Variants in TBCK observed in about 807,000 individuals in gnomAD.
TBCK encodes the protein TBC domain-containing protein kinase-like protein.
In TBCK, 99 loss-of-function variants were observed where a neutral mutation model predicts 113.4. The ratio of observed to expected loss-of-function variants is 0.87; its 90% confidence interval spans 0.74 to 1.03. TBCK has a LOEUF of 1.03. Ranked by LOEUF, TBCK falls within the 50% of genes least tolerant of loss-of-function variation. The pLI is 0.00. For synonymous variants in TBCK, 369 were observed against 370.8 expected (o/e 1.00, Z 0.05); for missense variants, 1,045 against 1,061.3 (o/e 0.98, Z 0.21).
chr4:106,136,562 G>A (rs540144565), intron 23 of TBCK, among the ~76,000 whole-genome samples: 4 of 141,110 alleles, frequency 2.8e-5, no homozygotes, highest in Admixed American at 1.4e-4. Context: ...CTAAGGCACT[G>A]GTTCTACCTT....
intron 24 of TBCK, among the ~76,000 whole-genome samples, chr4:106,102,649 GA>G (rs35868256): frequency 0.26 from 39,557 of 150,866 alleles, 5,613 homozygotes; most frequent in South Asian, 0.43. Context: ...CACAATTTAG[GA>G]AAAAAAAACT....
chr4:106,189,396 T>C (rs1360696821), intron 22 of TBCK, among the ~76,000 whole-genome samples: 2 of 150,384 alleles, frequency 1.3e-5, no homozygotes, highest in African/African-American at 4.9e-5. Flanking sequence ...GAATATCATG[T>C]AGCTACAAGC....
intron 22 of TBCK, among the ~76,000 whole-genome samples, chr4:106,191,734 A>G (rs1040573171): frequency 6.6e-5 from 10 of 152,188 alleles, no homozygotes; most frequent in Non-Finnish European, 1.5e-4. Flanking sequence ...TAATTATTTC[A>G]TGGAAAGATG....
In TBCK at chr4:106,082,957, T is replaced by C. The variant is rs562331369; in HGVS notation, c.2571+12525A>G. The stretch of plus-strand genomic sequence containing the variant: ...TTTTCAAATTGAACTGTGCAACCCA[T>C]GGATTGGAAGATACACTTGCGAACC... On this transcript the variant is annotated intron_variant, in intron 25 of 25. Transcript: ENST00000394708. 1.1e-3 allele frequency among the ~76,000 whole-genome samples: 169 copies of C among 152,300 alleles called. 2 individuals are homozygous for C. Among genetic ancestry groups the C allele is most frequent in the Middle Eastern group, 3.4e-3 (1 of 294 alleles).
intron 20 of TBCK, among the ~76,000 whole-genome samples, chr4:106,203,103 T>C (rs1269997324): frequency 6.6e-6 from 1 of 151,942 alleles, no homozygotes; most frequent in Non-Finnish European, 1.5e-5. Flanking sequence ...GCTCTGTCAG[T>C]GTTTCATTTT....
chr4:106,114,720 T>A (rs1040872558), intron 24 of TBCK, among the ~76,000 whole-genome samples: 1 of 152,220 alleles, frequency 6.6e-6, no homozygotes, highest in African/African-American at 2.4e-5. Context: ...AATAGGGTGT[T>A]ATAATGTTAT....
At chr4:106,102,599 C>T (rs534361126) in intron 24 of TBCK, among the ~76,000 whole-genome samples, 9 of 151,512 alleles carry the variant, frequency 5.9e-5, no homozygotes, top group African/African-American at 1.5e-4. Flanking sequence ...AAAAAAAAGA[C>T]GAGATGAAAT....
intron 1 of TBCK, among the ~76,000 whole-genome samples, chr4:106,311,274 G>A (rs1768170884): frequency 6.6e-6 from 1 of 150,410 alleles, no homozygotes; most frequent in Admixed American, 6.6e-5. Context: ...GAAAGATCAA[G>A]GCAGTATTAT....
rs371920886 is a variant in TBCK, at chr4:106,187,958, T to A, written c.2059+5651A>T. On this transcript the variant is annotated intron_variant, in intron 22 of 25. Coordinates refer to ENST00000394708, the MANE Select transcript of TBCK (RefSeq NM_001163435.3). The stretch of plus-strand genomic sequence containing the variant: ...TCTAGGAGCTCTTGAGCAGAGGCTA[T>A]GGGGATTTCTAGGCATAAAATCATA... 2.6e-5 allele frequency among the ~76,000 whole-genome samples: 4 copies of A among 152,290 alleles called. No homozygotes were observed. The East Asian group carries it at 7.7e-4, about 29-fold the overall frequency.
Position 106,288,388 on chromosome 4 carries a change from C to T in TBCK, c.266+6706G>A, listed in dbSNP as rs955196540. Among the ~76,000 whole-genome samples the T allele has an allele frequency of 4.7e-5, 7 of 150,282 alleles. No homozygotes were observed. In the East Asian group the frequency reaches 9.8e-4, roughly 21 times the overall value. ...CAGCCGGGGCGACAAAGCGAGACTC[C>T]GTCTCAAAAAAAAAAATTAAATTAA... On this transcript the variant is annotated intron_variant, in intron 3 of 25. Coordinates refer to ENST00000394708, the MANE Select transcript of TBCK (RefSeq NM_001163435.3).
At chr4:106,316,358 G>T (rs1023019505), upstream of TBCK, 10 of 607,156 alleles carry the variant, frequency 1.6e-5, no homozygotes, top group South Asian at 1.0e-4. Context: ...CGGGGGGACG[G>T]GGGGGGTCGA....
intron 24 of TBCK, among the ~76,000 whole-genome samples, chr4:106,105,305 C>T (rs977258063): frequency 6.6e-6 from 1 of 152,210 alleles, no homozygotes; most frequent in Non-Finnish European, 1.5e-5. Context: ...TGATTGATGA[C>T]CTGCATCTCT....
chr4:106,219,495 GATTCTA>G (rs1416128497), intron 19 of TBCK, among the ~76,000 whole-genome samples: 6 of 151,996 alleles, frequency 3.9e-5, no homozygotes, highest in African/African-American at 9.6e-5. Context: ...ATATTTTGTT[GATTCTA>G]ATTCTATTAG....
upstream of TBCK, chr4:106,316,673 C>G: frequency 7.0e-7 from 1 of 1,436,100 alleles, no homozygotes. Context: ...TAACTTGCCT[C>G]CAGGAGAGAG....
chr4:106,251,056 G>A (rs1320649170), intron 6 of TBCK: 1 of 240,370 alleles, frequency 4.2e-6, no homozygotes, highest in Non-Finnish European at 8.7e-6. Flanking sequence ...CTTAGTATAA[G>A]GTCTGGAGTC....
In TBCK at chr4:106,235,268, C is replaced by A; in HGVS notation, c.1449+1G>T. The A allele has an allele frequency of 6.3e-7, 1 of 1,591,192 alleles. No homozygotes were observed. Among genetic ancestry groups the A allele is most frequent in the Non-Finnish European group, 8.6e-7 (1 of 1,169,444 alleles). On this transcript the variant is annotated splice_donor_variant, in intron 15 of 25. Coordinates refer to ENST00000394708, the MANE Select transcript of TBCK (RefSeq NM_001163435.3). LOFTEE classifies it high-confidence loss of function. ...CTTCTAACCTTTTCTTTTTTCCTTA[C>A]CTCAACTCCCAGAAGAGCAGCCCAG...
At chr4:106,203,654 C>T (rs1159078576) in intron 20 of TBCK, among the ~76,000 whole-genome samples, 2 of 151,838 alleles carry the variant, frequency 1.3e-5, no homozygotes, top group African/African-American at 4.8e-5. Flanking sequence ...TGAAAACTTA[C>T]AAGAAAATCA....
intron 20 of TBCK, among the ~76,000 whole-genome samples, chr4:106,196,919 G>T (rs1754301748): frequency 6.6e-6 from 1 of 151,994 alleles, no homozygotes; most frequent in Non-Finnish European, 1.5e-5. Context: ...TCCTATACTA[G>T]TCTTTGTAAT....
chr4:106,262,011 A>C lies in TBCK; in HGVS notation c.381+87T>G, dbSNP rs113722515. Reference sequence around the variant, plus strand: ...TATTCTTAAAACATATTCTGATTCTATTGTTCCTCTGACTGAGTAGCCCTG... The same window carrying C: ...TATTCTTAAAACATATTCTGATTCTCTTGTTCCTCTGACTGAGTAGCCCTG... On this transcript the variant is annotated intron_variant, in intron 4 of 25. Coordinates refer to ENST00000394708, the MANE Select transcript of TBCK (RefSeq NM_001163435.3). 3 of 589,534 alleles carry C rather than the reference A, an allele frequency of 5.1e-6. No homozygotes were observed. The African/African-American group carries it at 5.7e-5, about 11-fold the overall frequency. The allele number at this position is 589,534 out of a possible 1,614,324, so 36.5% of individuals were successfully genotyped here.
Sources: allele counts gnomAD v4.1 joint callset (sites outside exome capture counted in the v4.1 genomes callset), GRCh38; gene constraint gnomAD v4.1.1; transcripts MANE v1.5; gene names NCBI Gene and HGNC (gene_info 2026-07-23, HGNC 2026-07-21).